Variants in TMEM183A observed in about 807,000 individuals in gnomAD.
TMEM183A encodes the protein transmembrane protein 183A.
TMEM183A carries 21 observed loss-of-function variants against 46.7 expected under a neutral mutation model. That is an observed-to-expected ratio of 0.45 (90% CI 0.32 to 0.65). TMEM183A has a LOEUF of 0.65. Among genes scored for constraint, TMEM183A ranks in the 30% least tolerant of loss-of-function variants. The pLI is 0.04. For missense variants in TMEM183A, 331 were observed against 481.9 expected (o/e 0.69, Z 2.93); for synonymous variants, 165 against 180.2 (o/e 0.92, Z 0.68).
chr1:203,019,868 G>A (rs913743659), intron 6 of TMEM183A, among the ~76,000 whole-genome samples: 11 of 152,066 alleles, frequency 7.2e-5, no homozygotes, highest in Admixed American at 2.0e-4. Context: ...ATTATTAGGT[G>A]TAATTATGAT....
At chr1:203,022,743 T>G in intron 7 of TMEM183A, 112 bp from the exon 8 acceptor site, 1 of 1,427,348 alleles carries the variant, frequency 7.0e-7, no homozygotes, top group Non-Finnish European at 9.6e-7. Flanking sequence ...AATTTAGAGA[T>G]TAATCTTGTG....
chr1:203,022,814 G>GGTTGT, intron 7 of TMEM183A, 41 bp from the exon 8 acceptor site: 1 of 1,613,064 alleles, frequency 6.2e-7, no homozygotes, highest in Non-Finnish European at 8.5e-7. Context: ...TGGAAACCAA[G>GGTTGT]GTTGTGTAAG....
Position 203,015,065 on chromosome 1 carries a change from C to G in TMEM183A, c.527+17C>G, listed in dbSNP as rs769301998. ...GTACCGAAGGTGCGACCACAGAGAGCTCACTCTTTTATCTGTGTGGCTGAT... is the reference window on the plus strand; with the variant it reads ...GTACCGAAGGTGCGACCACAGAGAGGTCACTCTTTTATCTGTGTGGCTGAT... On this transcript the variant is annotated intron_variant, in intron 4 of 7. Coordinates refer to ENST00000367242, the MANE Select transcript of TMEM183A (RefSeq NM_138391.6). 1 of 1,608,022 alleles carries G rather than the reference C, an allele frequency of 6.2e-7. No homozygotes were observed. The highest frequency in any genetic ancestry group is 8.5e-7 in the Non-Finnish European group (1 of 1,179,834).
Position 203,007,794 on chromosome 1 carries a change from A to G in TMEM183A, c.130A>G (p.Asn44Asp). The G allele has an allele frequency of 1.9e-6, 3 of 1,614,010 alleles. No homozygotes were observed. The highest frequency in any genetic ancestry group is 1.7e-6 in the Non-Finnish European group (2 of 1,179,868). Residue 44 changes from asparagine to aspartate, a missense_variant, in exon 2 of 8, where the codon AAC becomes GAC. Asn to Asp is a conservative substitution (Grantham distance 23). Coordinates refer to ENST00000367242, the MANE Select transcript of TMEM183A (RefSeq NM_138391.6). The stretch of plus-strand genomic sequence containing the variant: ...TGCAGTGACCGTGGCGGATTACGCC[A>G]ACTCGGATCCGGCGGTCGTGAGGTC... Reference protein sequence around the residue: ...SGRVTVADYANSDPAVVRSGR... With the variant: ...SGRVTVADYADSDPAVVRSGR...
intron 7 of TMEM183A, among the ~76,000 whole-genome samples, chr1:203,021,393 A>G (rs1027220910): frequency 1.3e-5 from 2 of 152,124 alleles, no homozygotes; most frequent in Non-Finnish European, 2.9e-5. Flanking sequence ...CCATGAAGGA[A>G]GGTATCTTTT....
At chr1:203,007,952 C>CT in intron 2 of TMEM183A, 89 bp downstream of exon 2, 1 of 1,508,594 alleles carries the variant, frequency 6.6e-7, no homozygotes, top group East Asian at 2.3e-5. Context: ...CTTTAGTCGT[C>CT]TTCCTGTAAC....
At chr1:203,010,979 T>G (rs1656519422) in intron 3 of TMEM183A, among the ~76,000 whole-genome samples, 1 of 152,238 alleles carries the variant, frequency 6.6e-6, no homozygotes. Context: ...GCTTCTTTCA[T>G]TTAGCATAAT....
chr1:203,020,814 T>C lies in TMEM183A; in HGVS notation c.811T>C (p.Cys271Arg), dbSNP rs768769833. Residue 271 changes from cysteine to arginine, a missense_variant, in exon 7 of 8, where the codon TGT (cysteine) becomes CGT (arginine). By Grantham distance (180) the Cys-to-Arg change is radical (BLOSUM62 -3). Coordinates refer to ENST00000367242, the MANE Select transcript of TMEM183A (RefSeq NM_138391.6). ...TCAGTCCCCTAGGTTAAAGAGCAAG[T>C]GTACAGGAGGATTGCAGCCTCCCGT... ...KKQSPRLKSK[C>R]TGGLQPPVQY... 27 of 1,613,962 alleles carry C rather than the reference T, an allele frequency of 1.7e-5. No homozygotes were observed. The East Asian group carries it at 2.9e-4, about 17-fold the overall frequency.
chr1:203,017,283 A>G (rs1657256916), intron 5 of TMEM183A, among the ~76,000 whole-genome samples: 1 of 152,132 alleles, frequency 6.6e-6, no homozygotes, highest in Non-Finnish European at 1.5e-5. Flanking sequence ...TGATAGTATC[A>G]GATTAACTGT....
At chr1:203,008,034 T>C (rs1346572733) in intron 2 of TMEM183A, among the ~76,000 whole-genome samples, 171 bp downstream of exon 2, 9 of 152,182 alleles carry the variant, frequency 5.9e-5, no homozygotes, top group Admixed American at 5.9e-4. Flanking sequence ...GCAGTTTCTG[T>C]AGCAGAAATA....
chr1:203,007,783 C>T lies in TMEM183A; in HGVS notation c.119C>T (p.Ala40Val), dbSNP rs1459350035. The T allele has an allele frequency of 5.0e-6, 8 of 1,613,950 alleles. No individual in the cohort carries two copies. Among genetic ancestry groups the T allele is most frequent in the Non-Finnish European group, 6.8e-6 (8 of 1,179,866 alleles). ...TGGTGCTGTGTTGCAGTGACCGTGG[C>T]GGATTACGCCAACTCGGATCCGGCG... ...HDACSGRVTV[A>V]DYANSDPAVV... Residue 40 changes from alanine to valine, a missense_variant, in exon 2 of 8, where the codon GCG becomes GTG. By Grantham distance (64) the Ala-to-Val change is moderately conservative. Transcript: ENST00000367242.
At chr1:203,007,932 TC>T (rs1656140399) in intron 2 of TMEM183A, 69 bp downstream of exon 2, 1 of 1,582,108 alleles carries the variant, frequency 6.3e-7, no homozygotes, top group African/African-American at 1.3e-5. Context: ...TTTCTGTTTT[TC>T]TTGCAGTCCT....
chr1:203,022,238 AATTTTTGT>A (rs1408546630), intron 7 of TMEM183A, among the ~76,000 whole-genome samples: 1 of 151,948 alleles, frequency 6.6e-6, no homozygotes, highest in African/African-American at 2.4e-5. Flanking sequence ...ACACCCAGCT[AATTTTTGT>A]ATTTTTGGTA....
At chr1:203,012,156 A>T (rs945198398) in intron 3 of TMEM183A, among the ~76,000 whole-genome samples, 2 of 128,886 alleles carry the variant, frequency 1.6e-5, no homozygotes, top group African/African-American at 3.0e-5. Context: ...CATCACACAC[A>T]CACACACACA....
intron 3 of TMEM183A, 76 bp downstream of exon 3, chr1:203,008,886 A>C (rs143324718): frequency 3.2e-4 from 455 of 1,406,054 alleles, no homozygotes; most frequent in Middle Eastern, 6.0e-4. Context: ...TCCCAGTAGC[A>C]CAGGAGGAGA....
rs961748645 is a variant in TMEM183A, at chr1:203,022,886, A to C, written c.977A>C (p.His326Pro). Residue 326 changes from histidine (H) to proline (P), a missense_variant, in exon 8 of 8, where the codon CAT becomes CCT. Around this residue, in one of 2 missense-constraint regions of TMEM183A, gnomAD observed 233 missense variants for 385.8 expected, o/e 0.60. Transcript: ENST00000367242. ...ATCAATGTGAGCACGGACATGCGGCATCATCGAGTGAGACTGGTGTTCCAA... is the reference window on the plus strand; with the variant it reads ...ATCAATGTGAGCACGGACATGCGGCCTCATCGAGTGAGACTGGTGTTCCAA... ...FTINVSTDMR[H>P]HRVRLVFQDS... The C allele has an allele frequency of 6.2e-7, 1 of 1,613,596 alleles. No individual in the cohort carries two copies. The highest frequency in any genetic ancestry group is 1.3e-5 in the African/African-American group (1 of 74,810).
At chr1:203,009,664 G>A (rs1397702175) in intron 3 of TMEM183A, among the ~76,000 whole-genome samples, 1 of 151,882 alleles carries the variant, frequency 6.6e-6, no homozygotes, top group African/African-American at 2.4e-5. Flanking sequence ...TCTATTTTTT[G>A]TAGAGACAGG....
chr1:203,022,380 C>A (rs370098823), intron 7 of TMEM183A, among the ~76,000 whole-genome samples: 8 of 151,996 alleles, frequency 5.3e-5, no homozygotes, highest in African/African-American at 1.4e-4. Flanking sequence ...GCTGAGAAGG[C>A]CTTATAAAAT....
chr1:203,018,609 A>G (rs762244613), intron 6 of TMEM183A, 48 bp downstream of exon 6: 5 of 1,575,392 alleles, frequency 3.2e-6, no homozygotes, highest in Non-Finnish European at 4.3e-6. Context: ...GTTCTAAGAG[A>G]TTTCCCTAGA....
Sources: gnomAD v4.1 joint callset for allele counts (sites outside exome capture counted in the v4.1 genomes callset) on GRCh38, gnomAD v4.1.1 for gene constraint, gnomAD v4.1.1 regional missense constraint, MANE v1.5 for transcripts, NCBI Gene and HGNC (gene_info 2026-07-23, HGNC 2026-07-21) for gene names.